Variants in MBOAT4 observed in about 807,000 individuals in gnomAD.
MBOAT4 encodes membrane bound ghrelin O-acyltransferase MBOAT4.
Under a neutral mutation model 13.2 loss-of-function variants are expected in MBOAT4, and 11 were observed. The ratio of observed to expected loss-of-function variants is 0.84; its 90% CI spans 0.53 to 1.38. The LOEUF (loss-of-function observed/expected upper bound fraction) is 1.38. Among genes scored for constraint, MBOAT4 ranks in the 40% most tolerant of loss-of-function variants. The pLI is 0.00. For synonymous variants in MBOAT4, 202 were observed against 210.3 expected, an observed-to-expected ratio of 0.96 and a Z score of 0.34; for missense variants, 481 against 527.2, an observed-to-expected ratio of 0.91 and a Z score of 0.86.
chr8:30,133,467 C>T (rs188297015), intron 2 of MBOAT4, among the ~76,000 whole-genome samples: 8 of 152,262 alleles, frequency 5.3e-5, no homozygotes, highest in East Asian at 3.9e-4. Flanking sequence ...CACATTTACA[C>T]GCATGTTCAA....
At position 30,132,561 on chromosome 8, in the gene MBOAT4, C is replaced by G. The variant is rs978057179; in HGVS notation, c.690G>C (p.Ala230=). 6.4e-7 allele frequency: 1 copy of G among 1,551,592 alleles called. No individual in the cohort carries two copies. Among genetic ancestry groups the G allele is most frequent in the Non-Finnish European group, 8.7e-7 (1 of 1,147,002 alleles). ...CGAATTGCTGGCAATCAGTCAGTCC[C>G]GCTCCTGCATCCACCACCCTGCTCA... ...VAVSRVVDAG[A]GLTDCQQFEC... Residue 230 remains alanine, a synonymous_variant, in exon 3 of 3, where the codon GCG becomes GCC. Transcript: ENST00000320542.
intron 1 of MBOAT4, among the ~76,000 whole-genome samples, chr8:30,143,893 C>G (rs766041729): frequency 6.6e-6 from 1 of 152,182 alleles, no homozygotes; most frequent in Non-Finnish European, 1.5e-5. Context: ...CCTGTACCAT[C>G]GCAACAACCA....
intron 2 of MBOAT4, chr8:30,137,551 A>G (rs1803176281): frequency 7.8e-7 from 1 of 1,275,456 alleles, no homozygotes; most frequent in South Asian, 1.3e-5. Context: ...AACACGTGGC[A>G]GTGATGATTA....
Position 30,132,074 on chromosome 8 carries a change from T to G in MBOAT4, c.1177A>C (p.Ile393Leu). 1 of 1,551,750 alleles carries G rather than the reference T, an allele frequency of 6.4e-7. No homozygotes were observed. Among genetic ancestry groups the G allele is most frequent in the Non-Finnish European group, 8.7e-7 (1 of 1,147,012 alleles). Reference sequence around the variant, plus strand: ...CTCCTGACCTCCACAGCCAGCATGATGTAGGCAATGATCAACTGGGTGTGG... The same window carrying G: ...CTCCTGACCTCCACAGCCAGCATGAGGTAGGCAATGATCAACTGGGTGTGG... ...WAHTQLIIAY[I>L]MLAVEVRSLS... The change falls in exon 3 of 3, where the codon ATC becomes CTC. Residue 393 changes from isoleucine (I) to leucine (L), a missense_variant. By Grantham distance (5) the Ile-to-Leu change is conservative. Coordinates refer to ENST00000320542, the MANE Select transcript of MBOAT4 (RefSeq NM_001100916.2).
intron 1 of MBOAT4, among the ~76,000 whole-genome samples, chr8:30,144,201 C>T (rs1486724295): frequency 6.6e-6 from 1 of 151,398 alleles, no homozygotes; most frequent in Non-Finnish European, 1.5e-5. Context: ...ATGGCGCCAT[C>T]TCGGCTCACT....
intron 1 of MBOAT4, 41 bp from the exon 2 acceptor site, chr8:30,138,797 G>C (rs7823643): frequency 0.94 from 1,382,803 of 1,467,644 alleles, 653,529 homozygotes; most frequent in Middle Eastern, 0.96. Context: ...GACTTAGAAC[G>C]GCACAGCAAA....
In MBOAT4 at chr8:30,132,089, A is replaced by C; in HGVS notation, c.1162T>G (p.Leu388Val). Reference protein sequence around the residue: ...YRTLTWAHTQLIIAYIMLAVE... With the variant: ...YRTLTWAHTQVIIAYIMLAVE... ...GCCAGCATGATGTAGGCAATGATCA[A>C]CTGGGTGTGGGCCCAGGTGAGGGTT... Residue 388 changes from leucine (L) to valine (V), a missense_variant, in exon 3 of 3, where the codon TTG (leucine) becomes GTG (valine). Physicochemically the swap from Leu to Val is conservative, Grantham distance 32. Transcript: ENST00000320542. The C allele has an allele frequency of 1.3e-6, 2 of 1,551,784 alleles. No homozygotes were observed. The highest frequency in any genetic ancestry group is 1.7e-6 in the Non-Finnish European group (2 of 1,147,018).
At chr8:30,136,725 C>G (rs866016340) in intron 2 of MBOAT4, among the ~76,000 whole-genome samples, 8 of 147,886 alleles carry the variant, frequency 5.4e-5, no homozygotes, top group East Asian at 2.0e-4. Context: ...GTCTCTCCCC[C>G]CGAACTTTTT....
At chr8:30,138,852 C>G in intron 1 of MBOAT4, 96 bp from the exon 2 acceptor site, 1 of 868,798 alleles carries the variant, frequency 1.2e-6, no homozygotes, top group Non-Finnish European at 1.8e-6. Context: ...TCTGGTAGGC[C>G]CCACACAACA....
Position 30,144,565 on chromosome 8 carries a change from A to T in MBOAT4, c.37T>A (p.Ser13Thr), listed in dbSNP as rs1365481679. 6.4e-7 allele frequency: 1 copy of T among 1,551,498 alleles called. No individual in the cohort carries two copies. Among genetic ancestry groups the T allele is most frequent in the Non-Finnish European group, 8.7e-7 (1 of 1,146,902 alleles). ...GGAAATGCAGCCCCCTGGTAAAACG[A>T]TATAGGATGGAGAAAGAACAGCCAA... ...WLWLFFLHPISFYQGAAFPFA... is the reference protein window; with the variant it reads ...WLWLFFLHPITFYQGAAFPFA... The change falls in exon 1 of 3, where the codon TCG becomes ACG. Residue 13 changes from serine (S) to threonine (T), a missense_variant. Physicochemically the swap from Ser to Thr is moderately conservative, Grantham distance 58. Coordinates refer to ENST00000320542, the MANE Select transcript of MBOAT4 (RefSeq NM_001100916.2).
chr8:30,143,884 C>T (rs140270123), intron 1 of MBOAT4, among the ~76,000 whole-genome samples: 1 of 152,162 alleles, frequency 6.6e-6, no homozygotes, highest in African/African-American at 2.4e-5. Flanking sequence ...TGGAGAATTC[C>T]TGTACCATCG....
rs58081402 is a variant in MBOAT4 at position 30,134,602 on chromosome 8, C to T, written c.345-1696G>A. ...TATGGCCCAGGCTGGAGTGCAGTGG[C>T]GCGATCTCAGCCGCCCACTGCAACC... On this transcript the variant is annotated intron_variant, in intron 2 of 2. Transcript: ENST00000320542. 1.6e-3 allele frequency among the ~76,000 whole-genome samples: 246 copies of T among 152,050 alleles called. 2 individuals are homozygous for T. The highest frequency in any genetic ancestry group is 5.4e-3 in the African/African-American group (225 of 41,480).
Position 30,144,537 on chromosome 8 carries a change from A to G in MBOAT4, c.65T>C (p.Phe22Ser), listed in dbSNP as rs151166584. The change falls in exon 1 of 3, where the codon TTT becomes TCT. Residue 22 changes from phenylalanine (F) to serine (S), a missense_variant. Coordinates refer to ENST00000320542, the MANE Select transcript of MBOAT4 (RefSeq NM_001100916.2). ...GCAGAGATAATTGAAGAGAAGTGCA[A>G]AGGGAAATGCAGCCCCCTGGTAAAA... ...ISFYQGAAFP[F>S]ALLFNYLCIM... 3 of 1,551,658 alleles carry G rather than the reference A, an allele frequency of 1.9e-6. No individual in the cohort carries two copies. Among genetic ancestry groups the G allele is most frequent in the Non-Finnish European group, 2.6e-6 (3 of 1,146,948 alleles).
intron 1 of MBOAT4, among the ~76,000 whole-genome samples, chr8:30,140,337 C>T (rs1803242544): frequency 6.6e-6 from 1 of 152,198 alleles, no homozygotes; most frequent in South Asian, 2.1e-4. Context: ...ATCCGCCCAC[C>T]TCAGCCTCCC....
chr8:30,139,049 C>G (rs946721530), intron 1 of MBOAT4, among the ~76,000 whole-genome samples: 2 of 151,614 alleles, frequency 1.3e-5, no homozygotes, highest in African/African-American at 4.9e-5. Flanking sequence ...CATGGCTCAC[C>G]ACAGCCCTGA....
chr8:30,134,417 A>G (rs1484779254), intron 2 of MBOAT4, among the ~76,000 whole-genome samples: 2 of 151,668 alleles, frequency 1.3e-5, no homozygotes, highest in Admixed American at 1.3e-4. Flanking sequence ...GCGAGACTGC[A>G]TCTCAAAAAA....
chr8:30,131,787 T>G lies in MBOAT4; in HGVS notation c.*156A>C. 1 of 820,624 alleles carries G rather than the reference T, an allele frequency of 1.2e-6. No homozygotes were observed. The highest frequency in any genetic ancestry group is 1.9e-5 in the South Asian group (1 of 52,262). The allele number at this position is 820,624 out of a possible 1,614,324, so 50.8% of individuals were successfully genotyped here. A position where few individuals can be genotyped will look rare whatever the true frequency, so the allele number is the denominator to read the frequency against. ...CAGCAGAATAGCTTGCTAAAGTAGA[T>G]ACACAAATTCCTACTGCAAGTCACT... On this transcript the variant is annotated 3_prime_UTR_variant, in exon 3 of 3. Coordinates refer to ENST00000320542, the MANE Select transcript of MBOAT4 (RefSeq NM_001100916.2).
rs561065025 is a variant in MBOAT4, at chr8:30,138,707, C to T, written c.169G>A (p.Gly57Ser). The change falls in exon 2 of 3, where the codon GGT (glycine) becomes AGT (serine). Residue 57 changes from glycine to serine, a missense_variant. Transcript: ENST00000320542. ...GTGAAGACGAGCACGGCGTAGGAAC[C>T]CATGGCAGCCACGGCCAGGGCACCT... ...GGGALAVAAM[G>S]SYAVLVFTPA... 1 of 1,550,378 alleles carries T rather than the reference C, an allele frequency of 6.5e-7. No homozygotes were observed. The highest frequency in any genetic ancestry group is 2.0e-4 in the Middle Eastern group (1 of 4,996).
intron 1 of MBOAT4, among the ~76,000 whole-genome samples, chr8:30,141,638 A>T (rs1803262287): frequency 6.6e-6 from 1 of 152,130 alleles, no homozygotes; most frequent in Non-Finnish European, 1.5e-5. Flanking sequence ...ACTCTGTTTC[A>T]AAAAGAAAAG....
Sources: gnomAD v4.1 joint callset for allele counts (sites outside exome capture counted in the v4.1 genomes callset) on GRCh38, gnomAD v4.1.1 for gene constraint, MANE v1.5 for transcripts, NCBI Gene and HGNC (gene_info 2026-07-23, HGNC 2026-07-21) for gene names.